The following SEMA5A variants were observed in gnomAD, a reference collection of about 807,000 sequenced individuals.
The protein encoded by SEMA5A is semaphorin 5A.
Under a neutral mutation model 135.5 loss-of-function variants are expected in SEMA5A, and 55 were observed. The observed-to-expected ratio is 0.41, with a 90% CI of 0.33 to 0.51. The LOEUF (loss-of-function observed/expected upper bound fraction) is 0.51, where lower values mean the gene tolerates loss of function less well. SEMA5A is among the 20% of genes least tolerant of loss of function. SEMA5A has a pLI of 0.37. For missense variants in SEMA5A, 1,290 were observed against 1,419.9 expected (o/e 0.91, Z 1.47); for synonymous variants, 580 against 546.5 (o/e 1.06, Z -0.85).
At chr5:9,431,683 G>A (rs999671538) in intron 2 of SEMA5A, among the ~76,000 whole-genome samples, 6 of 152,082 alleles carry the variant, frequency 3.9e-5, no homozygotes, top group Admixed American at 6.6e-5. Flanking sequence ...ACGTGGGGTC[G>A]TTTTTATGCC....
intron 13 of SEMA5A, among the ~76,000 whole-genome samples, chr5:9,133,120 A>G (rs796101278): frequency 2.0e-5 from 3 of 152,242 alleles, no homozygotes; most frequent in African/African-American, 7.2e-5. Flanking sequence ...ATGATTATAT[A>G]TGATAGATTT....
intron 2 of SEMA5A, among the ~76,000 whole-genome samples, chr5:9,403,116 A>C (rs1295457474): frequency 6.6e-6 from 1 of 152,090 alleles, no homozygotes; most frequent in South Asian, 2.1e-4. Context: ...GATCCACTAC[A>C]AATGCATCCA....
intron 5 of SEMA5A, among the ~76,000 whole-genome samples, chr5:9,299,203 C>G (rs983812482): frequency 1.3e-5 from 2 of 152,152 alleles, no homozygotes; most frequent in Non-Finnish European, 2.9e-5. Flanking sequence ...ATCTATTCAT[C>G]TGGTCTAATC....
At chr5:9,439,769 A>G (rs904287476) in intron 1 of SEMA5A, among the ~76,000 whole-genome samples, 2 of 152,224 alleles carry the variant, frequency 1.3e-5, no homozygotes, top group Non-Finnish European at 2.9e-5. Context: ...ACCGCCAGAC[A>G]GTCCTGGTGC....
intron 11 of SEMA5A, among the ~76,000 whole-genome samples, chr5:9,164,884 G>A (rs1222124125): frequency 6.6e-6 from 1 of 152,178 alleles, no homozygotes; most frequent in Non-Finnish European, 1.5e-5. Flanking sequence ...AGAAGGTAAA[G>A]TGGGAAACGA....
chr5:9,106,536 G>A (rs1360299523), intron 16 of SEMA5A, among the ~76,000 whole-genome samples: 1 of 152,168 alleles, frequency 6.6e-6, no homozygotes, highest in East Asian at 1.9e-4. Context: ...AAACTAGGGT[G>A]TGAGATCAAC....
rs1754386763 is a variant in SEMA5A, at chr5:9,355,198, G to A, written c.125-17386C>T. Among the ~76,000 whole-genome samples, 4 of 152,154 alleles carry A rather than the reference G, an allele frequency of 2.6e-5. No homozygotes were observed. The South Asian group carries it at 8.3e-4, about 32-fold the overall frequency. Reference sequence around the variant, plus strand: ...ACTAAGACAATATTCACAACGACAAGTGGGAGGCTGATTCAGCTTGCAGCT... The same window carrying A: ...ACTAAGACAATATTCACAACGACAAATGGGAGGCTGATTCAGCTTGCAGCT... On this transcript the variant is annotated intron_variant, in intron 3 of 22. Transcript: ENST00000382496.
At chr5:9,112,193 G>A (rs901117823) in intron 15 of SEMA5A, among the ~76,000 whole-genome samples, 1 of 152,154 alleles carries the variant, frequency 6.6e-6, no homozygotes, top group African/African-American at 2.4e-5. Flanking sequence ...GTATTTAAAA[G>A]TCAATTAATG....
chr5:9,230,964 G>A (rs779332556), intron 6 of SEMA5A, among the ~76,000 whole-genome samples: 1 of 152,100 alleles, frequency 6.6e-6, no homozygotes. Flanking sequence ...TCCCTTAAAG[G>A]CATCCTCATG....
chr5:9,112,702 C>T (rs879047513), intron 15 of SEMA5A, among the ~76,000 whole-genome samples: 1 of 152,218 alleles, frequency 6.6e-6, no homozygotes, highest in Admixed American at 6.5e-5. Context: ...ATTGGACAGG[C>T]TCTAACATGT....
intron 3 of SEMA5A, among the ~76,000 whole-genome samples, chr5:9,346,027 G>T (rs1033882832): frequency 6.6e-6 from 1 of 152,024 alleles, no homozygotes; most frequent in Non-Finnish European, 1.5e-5. Flanking sequence ...AGCCCAAAGT[G>T]ACAACTTATA....
intron 11 of SEMA5A, among the ~76,000 whole-genome samples, chr5:9,176,518 A>G (rs1282922464): frequency 6.6e-6 from 1 of 152,212 alleles, no homozygotes; most frequent in Non-Finnish European, 1.5e-5. Flanking sequence ...TTGTGAGCTA[A>G]TAAGTGTATG....
At chr5:9,475,637 T>C (rs1759641465) in intron 1 of SEMA5A, among the ~76,000 whole-genome samples, 1 of 152,210 alleles carries the variant, frequency 6.6e-6, no homozygotes, top group African/African-American at 2.4e-5. Context: ...CTAATTGTCC[T>C]GAGCAACAAA....
chr5:9,178,482 C>T (rs1375691235), intron 11 of SEMA5A, among the ~76,000 whole-genome samples: 1 of 151,904 alleles, frequency 6.6e-6, no homozygotes, highest in Non-Finnish European at 1.5e-5. Context: ...CAGGCACATG[C>T]CCCCACACCC....
intron 14 of SEMA5A, among the ~76,000 whole-genome samples, chr5:9,120,075 TA>T (rs1426111435): frequency 1.3e-5 from 2 of 152,018 alleles, no homozygotes; most frequent in East Asian, 3.8e-4. Context: ...AAAAAATACA[TA>T]GGTTTTTTTT....
chr5:9,369,980 C>T (rs923481921), intron 3 of SEMA5A, among the ~76,000 whole-genome samples: 1 of 152,170 alleles, frequency 6.6e-6, no homozygotes, highest in South Asian at 2.1e-4. Flanking sequence ...GTCTGACTCT[C>T]CTAATAAAAT....
chr5:9,135,671 C>T (rs1221644913), intron 13 of SEMA5A, among the ~76,000 whole-genome samples: 1 of 152,120 alleles, frequency 6.6e-6, no homozygotes, highest in African/African-American at 2.4e-5. Context: ...TACAGCAGAA[C>T]TGATGGGCAG....
intron 5 of SEMA5A, among the ~76,000 whole-genome samples, chr5:9,312,475 C>T (rs1213364719): frequency 6.6e-6 from 1 of 151,980 alleles, no homozygotes; most frequent in African/African-American, 2.4e-5. Context: ...AAAAGCAACT[C>T]TTGGTCTTTA....
intron 8 of SEMA5A, among the ~76,000 whole-genome samples, chr5:9,209,859 C>A (rs1296304844): frequency 2.0e-5 from 3 of 152,124 alleles, no homozygotes; most frequent in Non-Finnish European, 4.4e-5. Flanking sequence ...AACAAGATGA[C>A]AACATGATTT....
Sources: allele counts gnomAD v4.1 joint callset (sites outside exome capture counted in the v4.1 genomes callset), GRCh38; gene constraint gnomAD v4.1.1; transcripts MANE v1.5; gene names NCBI Gene and HGNC (gene_info 2026-07-23, HGNC 2026-07-21).